RBFOX1: variants seen among roughly 807,000 people sequenced by gnomAD.
RBFOX1 encodes RNA binding fox-1 homolog 1, also known as RNA binding protein fox-1 homolog 1.
Under a neutral mutation model 57.7 loss-of-function variants are expected in RBFOX1, and 8 were observed. That is an observed-to-expected ratio of 0.14 (90% CI 0.08 to 0.25). RBFOX1 has a LOEUF of 0.25. Ranked by LOEUF, RBFOX1 falls within the 10% of genes least tolerant of loss-of-function variation. The pLI is 1.00. For missense variants in RBFOX1, 611 were observed against 548.5 expected (o/e 1.11, Z -1.14); for synonymous variants, 326 against 222.4 (o/e 1.47, Z -4.15).
intron 4 of RBFOX1, among the ~76,000 whole-genome samples, chr16:7,349,072 G>A (rs1297027448): frequency 1.3e-5 from 2 of 152,104 alleles, no homozygotes; most frequent in Admixed American, 6.5e-5. Flanking sequence ...TGCTAGTTTT[G>A]GAGAAAATAA....
intron 3 of RBFOX1, among the ~76,000 whole-genome samples, chr16:7,050,055 G>A (rs2049461845): frequency 1.3e-5 from 2 of 151,750 alleles, no homozygotes; most frequent in African/African-American, 4.8e-5. Flanking sequence ...TTTGTTCTCT[G>A]TCTCAATGAA....
intron 2 of RBFOX1, among the ~76,000 whole-genome samples, chr16:5,577,319 CT>C (rs1301752937): frequency 1.3e-5 from 2 of 152,184 alleles, no homozygotes; most frequent in African/African-American, 4.8e-5. Flanking sequence ...GGATCAAGCT[CT>C]TCCTTCAGTT....
rs2092781032 is a variant in RBFOX1, at chr16:7,001,393, TGTATTTGTATATGTATATGTATATGTATA to T, written c.-15-50663_-15-50635del. ...GTGTATGTGTATGTGTATGTGTATG[TGTATTTGTATATGTATATGTATATGTATA>T]TGTATATGTATATGTATATGTATAT... On this transcript the variant is annotated intron_variant, in intron 3 of 15. Transcript: ENST00000550418. Among the ~76,000 whole-genome samples the T allele has an allele frequency of 6.8e-5, 8 of 117,150 alleles. No homozygotes were observed. The East Asian group carries it at 8.6e-4, about 13-fold the overall frequency. The allele number at this position is 117,150 out of a possible 152,430, so 76.9% of individuals were successfully genotyped here. A position where few individuals can be genotyped will look rare whatever the true frequency, so the allele number is the denominator to read the frequency against.
intron 1 of RBFOX1, among the ~76,000 whole-genome samples, chr16:6,107,049 C>A (rs937511649): frequency 6.6e-6 from 1 of 152,210 alleles, no homozygotes; most frequent in Non-Finnish European, 1.5e-5. Flanking sequence ...CAAACATAAT[C>A]AGCAGCCCAG....
intron 3 of RBFOX1, among the ~76,000 whole-genome samples, chr16:5,732,207 A>G (rs1255610184): frequency 6.6e-6 from 1 of 152,258 alleles, no homozygotes; most frequent in East Asian, 1.9e-4. Flanking sequence ...TCAATTCAGC[A>G]TCTATGAAAT....
intron 4 of RBFOX1, among the ~76,000 whole-genome samples, chr16:7,376,682 A>G (rs2097691508): frequency 6.6e-6 from 1 of 152,164 alleles, no homozygotes; most frequent in African/African-American, 2.4e-5. Context: ...TTCATGGTTC[A>G]TGCAGCAGAG....
chr16:6,484,434 T>G lies in RBFOX1; in HGVS notation c.-64+167377T>G, dbSNP rs184515447. Among the ~76,000 whole-genome samples, 11 of 143,846 alleles carry G rather than the reference T, an allele frequency of 7.6e-5. No homozygotes were observed. The East Asian group carries it at 1.7e-3, about 23-fold the overall frequency. The allele number at this position is 143,846 out of a possible 152,430, so 94.4% of individuals were successfully genotyped here. On this transcript the variant is annotated intron_variant, in intron 2 of 15. Transcript: ENST00000550418. Reference sequence around the variant, plus strand: ...TGACAATACTGAACACGCTTCGACTTGAGAAATAAGCTCTGTACCATTTTA... The same window carrying G: ...TGACAATACTGAACACGCTTCGACTGGAGAAATAAGCTCTGTACCATTTTA...
At chr16:7,565,433 T>C (rs2091441321) in intron 5 of RBFOX1, among the ~76,000 whole-genome samples, 1 of 152,232 alleles carries the variant, frequency 6.6e-6, no homozygotes, top group Non-Finnish European at 1.5e-5. Flanking sequence ...GATATTATTT[T>C]CTGAGCTTAC....
At chr16:7,198,604 C>T (rs563640840) in intron 4 of RBFOX1, among the ~76,000 whole-genome samples, 16 of 152,270 alleles carry the variant, frequency 1.1e-4, no homozygotes, top group African/African-American at 1.7e-4. Context: ...AAGAGCATGA[C>T]ACTGCATATC....
chr16:7,187,467 A>T (rs1336961305), intron 4 of RBFOX1, among the ~76,000 whole-genome samples: 1 of 151,566 alleles, frequency 6.6e-6, no homozygotes, highest in African/African-American at 2.4e-5. Context: ...AGGCGGGCTA[A>T]TCACGAGATC....
At chr16:5,363,118 C>T (rs1461880040) in intron 1 of RBFOX1, among the ~76,000 whole-genome samples, 3 of 149,618 alleles carry the variant, frequency 2.0e-5, no homozygotes, top group South Asian at 2.1e-4. Context: ...ACTGCAACCT[C>T]CACCTCCTGG....
chr16:6,529,138 CATCT>C (rs763314337), intron 2 of RBFOX1, among the ~76,000 whole-genome samples: 2 of 152,158 alleles, frequency 1.3e-5, no homozygotes, highest in Non-Finnish European at 2.9e-5. Context: ...TTTGTGCCTC[CATCT>C]GTTACCCAAT....
intron 2 of RBFOX1, among the ~76,000 whole-genome samples, chr16:6,390,589 T>G (rs1313876265): frequency 6.6e-6 from 1 of 152,002 alleles, no homozygotes; most frequent in Non-Finnish European, 1.5e-5. Context: ...TATCAGATAG[T>G]TATGATTTAA....
At chr16:6,211,833 T>TAA (rs2097300402) in intron 1 of RBFOX1, among the ~76,000 whole-genome samples, 1 of 149,498 alleles carries the variant, frequency 6.7e-6, no homozygotes, top group African/African-American at 2.5e-5. Context: ...TATTTATTTA[T>TAA]TTATTTATTT....
intron 1 of RBFOX1, among the ~76,000 whole-genome samples, chr16:6,064,351 A>C (rs2095730483): frequency 6.6e-6 from 1 of 152,106 alleles, no homozygotes; most frequent in Non-Finnish European, 1.5e-5. Context: ...TGAGTGCAAA[A>C]TGTCTGCTTG....
At chr16:6,701,497 A>G (rs2061844791) in intron 3 of RBFOX1, among the ~76,000 whole-genome samples, 1 of 152,230 alleles carries the variant, frequency 6.6e-6, no homozygotes, top group Non-Finnish European at 1.5e-5. Flanking sequence ...TGTAGGTTGT[A>G]CAAGCATGGC....
chr16:7,509,449 T>C (rs532832816), intron 4 of RBFOX1, among the ~76,000 whole-genome samples: 1 of 152,086 alleles, frequency 6.6e-6, no homozygotes, highest in East Asian at 1.9e-4. Flanking sequence ...TGTGTCTGTG[T>C]GTGGTTTTTG....
intron 4 of RBFOX1, among the ~76,000 whole-genome samples, chr16:7,395,614 T>A (rs2098127306): frequency 6.6e-6 from 1 of 152,172 alleles, no homozygotes; most frequent in South Asian, 2.1e-4. Flanking sequence ...TTGTGGGGAT[T>A]GAGGGGGTGT....
At chr16:6,638,022 C>A (rs2098459175) in intron 2 of RBFOX1, among the ~76,000 whole-genome samples, 2 of 152,094 alleles carry the variant, frequency 1.3e-5, no homozygotes, top group African/African-American at 4.8e-5. Context: ...ACATGTTTGA[C>A]TGAAGTATCT....
Sources: gnomAD v4.1 joint callset for allele counts (sites outside exome capture counted in the v4.1 genomes callset) on GRCh38, gnomAD v4.1.1 for gene constraint, MANE v1.5 for transcripts, NCBI Gene and HGNC (gene_info 2026-07-23, HGNC 2026-07-21) for gene names.